Variants in LARP1 observed in about 807,000 individuals in gnomAD.
The protein encoded by LARP1 is La ribonucleoprotein 1, translational regulator, also known as la-related protein 1.
Under a neutral mutation model 122.7 loss-of-function variants are expected in LARP1, and 36 were observed. The observed-to-expected ratio is 0.29, with a 90% CI of 0.22 to 0.39. The LOEUF (loss-of-function observed/expected upper bound fraction) is 0.39, where lower values mean the gene tolerates loss of function less well. Ranked by LOEUF, LARP1 falls within the 10% of genes least tolerant of loss-of-function variation. LARP1 has a pLI of 1.00. For synonymous variants in LARP1, 539 were observed against 528.7 expected, an observed-to-expected ratio of 1.02 and a Z score of -0.27; for missense variants, 1,040 against 1,403.6, an observed-to-expected ratio of 0.74 and a Z score of 4.14.
chr5:154,739,892 C>T (rs187652033), intron 1 of LARP1, among the ~76,000 whole-genome samples: 1 of 152,184 alleles, frequency 6.6e-6, no homozygotes, highest in African/African-American at 2.4e-5. Flanking sequence ...GAACCTGAGT[C>T]TAAGAGGTTT....
chr5:154,793,935 C>G lies in LARP1; in HGVS notation c.1004C>G (p.Ala335Gly). ...AGTGATGGGGCTGGTGGGGCGCGGG[C>G]TTCCTTCCGTGGCCGTGGACGGGGG... is the stretch of plus-strand genomic sequence containing the variant. ...VKSDGAGGAR[A>G]SFRGRGRGRG... Residue 335 changes from alanine to glycine, a missense_variant, in exon 6 of 19, where the codon GCT (alanine) becomes GGT (glycine). Coordinates refer to ENST00000518297, the MANE Select transcript of LARP1 (RefSeq NM_033551.3). 1 of 1,613,934 alleles carries G rather than the reference C, an allele frequency of 6.2e-7. No individual in the cohort carries two copies.
chr5:154,801,819 T>G, intron 10 of LARP1, among the ~76,000 whole-genome samples, 188 bp from the exon 11 acceptor site: 1 of 152,222 alleles, frequency 6.6e-6, no homozygotes, highest in East Asian at 1.9e-4. Flanking sequence ...TGGACTTCTA[T>G]GAAACATCCT....
intron 18 of LARP1, 119 bp downstream of exon 18, chr5:154,811,759 C>T: frequency 8.1e-7 from 1 of 1,237,914 alleles, no homozygotes; most frequent in Non-Finnish European, 1.1e-6. Context: ...TCCCTGCTCC[C>T]CACAATTTGG....
intron 1 of LARP1, among the ~76,000 whole-genome samples, chr5:154,693,804 C>T (rs60821232): frequency 6.7e-6 from 1 of 149,782 alleles, no homozygotes; most frequent in Non-Finnish European, 1.5e-5. Flanking sequence ...TGCAGTGAGC[C>T]GAGATCGCGC....
intron 1 of LARP1, among the ~76,000 whole-genome samples, chr5:154,737,718 C>G (rs986027802): frequency 1.3e-5 from 2 of 152,190 alleles, no homozygotes; most frequent in East Asian, 3.9e-4. Flanking sequence ...CAGGTCAACC[C>G]TTGGTACTTG....
At chr5:154,725,835 G>GTCT (rs765561047) in intron 1 of LARP1, among the ~76,000 whole-genome samples, 19 of 151,848 alleles carry the variant, frequency 1.3e-4, no homozygotes, top group African/African-American at 3.6e-4. Flanking sequence ...AATATTTCAG[G>GTCT]TCTTCTTCTT....
intron 1 of LARP1, among the ~76,000 whole-genome samples, chr5:154,735,793 A>G (rs1480195056): frequency 6.6e-6 from 1 of 151,230 alleles, no homozygotes; most frequent in African/African-American, 2.4e-5. Flanking sequence ...CTGGTCTCAA[A>G]CTCCTGACCT....
chr5:154,790,808 A>T (rs549672755), intron 3 of LARP1, 98 bp downstream of exon 3: 16 of 1,082,506 alleles, frequency 1.5e-5, no homozygotes, highest in Admixed American at 2.1e-5. Context: ...TACCTTTCTC[A>T]GTTTTCATTC....
intron 1 of LARP1, among the ~76,000 whole-genome samples, chr5:154,701,526 G>C (rs72797577): frequency 0.014 from 2,175 of 152,172 alleles, 31 homozygotes; most frequent in Non-Finnish European, 0.022. Flanking sequence ...AGACCCCCTG[G>C]TCACAGTGAT....
chr5:154,801,007 A>G (rs1758303710), intron 10 of LARP1, among the ~76,000 whole-genome samples: 2 of 152,218 alleles, frequency 1.3e-5, no homozygotes, highest in African/African-American at 4.8e-5. Context: ...AACAGGGGTC[A>G]GACTTAGCTC....
upstream of LARP1, among the ~76,000 whole-genome samples, chr5:154,708,999 G>A (rs145047518): frequency 2.6e-5 from 4 of 152,182 alleles, no homozygotes; most frequent in African/African-American, 7.2e-5. Flanking sequence ...TGGTAGACTC[G>A]TCAACCTGGA....
At position 154,803,751 on chromosome 5, in the gene LARP1, G is replaced by T; in HGVS notation, c.2439+6G>T. The stretch of plus-strand genomic sequence containing the variant: ...GACGGACACTGGATGCCAAGGTGAG[G>T]CATTCCTGTCGGGCTGCTCAGAGTC... On this transcript the variant is annotated splice_donor_region_variant and intron_variant, in intron 13 of 18. Coordinates refer to ENST00000518297, the MANE Select transcript of LARP1 (RefSeq NM_033551.3). This position sits in a 1 kb window ranked among gnomAD's most constrained non-coding sequence, Gnocchi z 4.4. 6.2e-7 allele frequency: 1 copy of T among 1,613,824 alleles called. No individual in the cohort carries two copies. Among genetic ancestry groups the T allele is most frequent in the Non-Finnish European group, 8.5e-7 (1 of 1,179,698 alleles).
At chr5:154,751,741 A>G (rs1753505652), upstream of LARP1, among the ~76,000 whole-genome samples, 1 of 152,134 alleles carries the variant, frequency 6.6e-6, no homozygotes, top group African/African-American at 2.4e-5. Flanking sequence ...GTTCTATTTT[A>G]TTATTTATTG....
chr5:154,791,503 C>G (rs1274263871), intron 3 of LARP1, among the ~76,000 whole-genome samples: 1 of 152,200 alleles, frequency 6.6e-6, no homozygotes, highest in African/African-American at 2.4e-5. Context: ...GCCACTGTCC[C>G]CAGCCCCCTA....
chr5:154,781,466 A>T (rs1033606345), intron 1 of LARP1, among the ~76,000 whole-genome samples: 3 of 151,360 alleles, frequency 2.0e-5, no homozygotes, highest in African/African-American at 7.3e-5. Flanking sequence ...GGTGACACAC[A>T]CCTGTAATCC....
intron 1 of LARP1, among the ~76,000 whole-genome samples, chr5:154,692,441 GTTA>G (rs941489376): frequency 2.0e-5 from 3 of 152,124 alleles, no homozygotes; most frequent in Non-Finnish European, 4.4e-5. Flanking sequence ...CTAAGTGCTT[GTTA>G]TTATAATTCT....
At chr5:154,784,194 G>C (rs1756698311) in intron 1 of LARP1, among the ~76,000 whole-genome samples, 1 of 152,220 alleles carries the variant, frequency 6.6e-6, no homozygotes. Context: ...ACAAGTGTCT[G>C]CTGTGTTGCC....
In LARP1 at chr5:154,802,890, G is replaced by A. The variant is rs1046680484; in HGVS notation, c.2110-400G>A. Among the ~76,000 whole-genome samples, 4 of 152,160 alleles carry A rather than the reference G, an allele frequency of 2.6e-5. No individual in the cohort carries two copies. Among genetic ancestry groups the A allele is most frequent in the African/African-American group, 9.7e-5 (4 of 41,426 alleles). On this transcript the variant is annotated intron_variant, in intron 11 of 18. Transcript: ENST00000518297. The surrounding 1 kb of genome is among the most constrained non-coding windows in gnomAD (Gnocchi z 5.1). Reference sequence around the variant, plus strand: ...TTGGTGGTAGGTTGTCCTAGGGTGAGCCTTTGTAATAAGTAGCAGTGTGTT... The same window carrying A: ...TTGGTGGTAGGTTGTCCTAGGGTGAACCTTTGTAATAAGTAGCAGTGTGTT...
intron 1 of LARP1, among the ~76,000 whole-genome samples, chr5:154,740,930 T>C (rs1752844451): frequency 6.6e-6 from 1 of 152,204 alleles, no homozygotes; most frequent in Non-Finnish European, 1.5e-5. Flanking sequence ...CAAGTCCTCC[T>C]TGCCCCTGGG....
Sources: allele counts gnomAD v4.1 joint callset (sites outside exome capture counted in the v4.1 genomes callset), GRCh38; gene constraint gnomAD v4.1.1; non-coding constraint Gnocchi (gnomAD v3.1); transcripts MANE v1.5; gene names NCBI Gene and HGNC (gene_info 2026-07-23, HGNC 2026-07-21).